PACC1: variants seen among roughly 807,000 people sequenced by gnomAD.
PACC1 encodes the protein proton-activated chloride channel.
In PACC1, 34 loss-of-function variants were observed where a neutral mutation model predicts 39.7. The ratio of observed to expected loss-of-function variants is 0.86; its 90% confidence interval spans 0.65 to 1.14. The LOEUF (loss-of-function observed/expected upper bound fraction) is 1.14. Among genes scored for constraint, PACC1 ranks in the 50% most tolerant of loss-of-function variants. PACC1 has a pLI of 0.00. For missense variants in PACC1, 379 were observed against 436.4 expected (o/e 0.87, Z 1.17); for synonymous variants, 127 against 160.6 (o/e 0.79, Z 1.58).
At chr1:212,412,180 A>T (rs892827542) in intron 1 of PACC1, among the ~76,000 whole-genome samples, 1 of 152,026 alleles carries the variant, frequency 6.6e-6, no homozygotes, top group Non-Finnish European at 1.5e-5. Flanking sequence ...AACCAGTGGG[A>T]AAGGGCAGGG....
intron 7 of PACC1, among the ~76,000 whole-genome samples, chr1:212,368,964 T>C (rs951155541): frequency 6.7e-6 from 1 of 149,904 alleles, no homozygotes; most frequent in Non-Finnish European, 1.5e-5. Flanking sequence ...CCCGGGAGCT[T>C]GCAGTGAGCT....
rs147110902 is a variant in PACC1, at chr1:212,396,554, G to A, written c.134-9454C>T. Among the ~76,000 whole-genome samples, 939 of 150,860 alleles carry A rather than the reference G, an allele frequency of 6.2e-3. 7 individuals carry two copies. The highest frequency in any genetic ancestry group is 8.9e-3 in the Non-Finnish European group (607 of 67,844). On this transcript the variant is annotated intron_variant, in intron 2 of 7. Coordinates refer to ENST00000261455, the MANE Select transcript of PACC1 (RefSeq NM_018252.3). ...TACATATGTAACAAACCTGCATTGC[G>A]CACATGTACCCTAGAACTTAAAGTA...
At chr1:212,393,788 A>G (rs1164818189) in intron 2 of PACC1, among the ~76,000 whole-genome samples, 4 of 152,250 alleles carry the variant, frequency 2.6e-5, no homozygotes, top group South Asian at 2.1e-4. Flanking sequence ...ACAAACTACC[A>G]TCAGAGAATA....
Position 212,386,941 on chromosome 1 carries a change from T to G in PACC1, c.293A>C (p.His98Pro), listed in dbSNP as rs750362348. ...CTTGTAAGACACAGACATGACAGGG[T>G]GCTTGAGTTTCTCACGAAAGTCTGT... ...TITDFREKLK[H>P]PVMSVSYKEV... Residue 98 changes from histidine to proline, a missense_variant, in exon 3 of 8, where the codon CAC becomes CCC. His to Pro is a moderately conservative substitution (Grantham distance 77). Coordinates refer to ENST00000261455, the MANE Select transcript of PACC1 (RefSeq NM_018252.3). The surrounding 1 kb of genome is among the most constrained non-coding windows in gnomAD (Gnocchi z 5.0). The G allele has an allele frequency of 5.6e-6, 9 of 1,613,846 alleles. No individual in the cohort carries two copies. The highest frequency in any genetic ancestry group is 1.6e-4 in the Middle Eastern group (1 of 6,084).
chr1:212,370,587 T>A (rs1384438360), intron 7 of PACC1, among the ~76,000 whole-genome samples: 1 of 152,256 alleles, frequency 6.6e-6, no homozygotes, highest in African/African-American at 2.4e-5. Flanking sequence ...ATTAAAATCA[T>A]ATTAAGTATC....
intron 2 of PACC1, among the ~76,000 whole-genome samples, chr1:212,396,608 A>G (rs1246883942): frequency 2.0e-5 from 3 of 151,890 alleles, no homozygotes; most frequent in Non-Finnish European, 4.4e-5. Flanking sequence ...ACATATTGAA[A>G]AAAAAGAAAT....
At chr1:212,375,432 A>T (rs1660611810) in intron 6 of PACC1, 132 bp from the exon 7 acceptor site, 1 of 614,010 alleles carries the variant, frequency 1.6e-6, no homozygotes, top group Non-Finnish European at 2.9e-6. Flanking sequence ...TTGGAGAGAG[A>T]GTGGCAAAAA....
intron 2 of PACC1, chr1:212,409,980 G>T (rs892051921): frequency 1.2e-5 from 2 of 173,394 alleles, no homozygotes; most frequent in African/African-American, 4.7e-5. Flanking sequence ...GTAGTCAGCA[G>T]TGTCAAACAT....
rs533886596 is a variant in PACC1 at position 212,386,725 on chromosome 1, C to T, written c.343+166G>A. 6.6e-6 allele frequency among the ~76,000 whole-genome samples: 1 copy of T among 152,304 alleles called. No individual in the cohort carries two copies. Among genetic ancestry groups the T allele is most frequent in the Middle Eastern group, 3.4e-3 (1 of 294 alleles). On this transcript the variant is annotated intron_variant, in intron 3 of 7. Transcript: ENST00000261455. This position sits in a 1 kb window ranked among gnomAD's most constrained non-coding sequence, Gnocchi z 5.0. ...ATTTCTGTCCTCAGCACGTAACACA[C>T]TCCCAACAGCAGCTCCTTGGGCATA...
chr1:212,377,629 C>T lies in PACC1; in HGVS notation c.716G>A (p.Trp239Ter), dbSNP rs1358916064. Residue 239 changes from tryptophan (W) to a stop codon, truncating the protein, a stop_gained, in exon 6 of 8, where the codon TGG (tryptophan) becomes TAG (stop). Coordinates refer to ENST00000261455, the MANE Select transcript of PACC1 (RefSeq NM_018252.3). LOFTEE classifies it high-confidence loss of function. ...SWKFSGGFRT[W>*]VKMSLVKTKE... ...GGTCTTTACCAGTGACATCTTGACC[C>T]AGGTGCGGAAGCCCCCAGAGAACTT... 11 of 1,614,098 alleles carry T rather than the reference C, an allele frequency of 6.8e-6. No individual in the cohort carries two copies. Among genetic ancestry groups the T allele is most frequent in the Non-Finnish European group, 8.5e-6 (10 of 1,180,034 alleles).
At chr1:212,414,696 C>A (rs1662267679) in intron 1 of PACC1, 26 bp downstream of exon 1, 1 of 1,612,678 alleles carries the variant, frequency 6.2e-7, no homozygotes, top group Admixed American at 1.7e-5. Flanking sequence ...CCTCAAACTT[C>A]CCTTCCGTCT....
chr1:212,410,315 T>C (rs1290156440), intron 2 of PACC1, 110 bp downstream of exon 2: 3 of 937,756 alleles, frequency 3.2e-6, no homozygotes, highest in Non-Finnish European at 5.3e-6. Context: ...ACTTGAGACC[T>C]GACACCAGGG....
intron 2 of PACC1, among the ~76,000 whole-genome samples, chr1:212,400,984 C>A (rs1661689190): frequency 6.6e-6 from 1 of 152,194 alleles, no homozygotes. Context: ...CTCCACCTTG[C>A]AGGGAGCACT....
At chr1:212,398,530 G>A (rs1661600836) in intron 2 of PACC1, among the ~76,000 whole-genome samples, 1 of 152,214 alleles carries the variant, frequency 6.6e-6, no homozygotes, top group Non-Finnish European at 1.5e-5. Context: ...GTTACTGTGG[G>A]CAGTGGAGGT....
Position 212,386,761 on chromosome 1 carries a change from C to T in PACC1, c.343+130G>A. The stretch of plus-strand genomic sequence containing the variant: ...AGCTCCTTGGGCATAGACTCTATAC[C>T]TAGACTATGCTTGGTTGGACTCCTC... On this transcript the variant is annotated intron_variant, in intron 3 of 7. Transcript: ENST00000261455. The surrounding 1 kb of genome is among the most constrained non-coding windows in gnomAD (Gnocchi z 5.0). 1 of 854,368 alleles carries T rather than the reference C, an allele frequency of 1.2e-6. No homozygotes were observed. Among genetic ancestry groups the T allele is most frequent in the Non-Finnish European group, 1.9e-6 (1 of 520,724 alleles). The allele number at this position is 854,368 out of a possible 1,614,324, so 52.9% of individuals were successfully genotyped here.
chr1:212,377,372 T>C (rs527299988), intron 6 of PACC1, among the ~76,000 whole-genome samples, 190 bp downstream of exon 6: 1 of 152,324 alleles, frequency 6.6e-6, no homozygotes, highest in Admixed American at 6.5e-5. Context: ...GTGCGCTGCC[T>C]GCAGAAGCAC....
At chr1:212,376,625 A>C (rs1017909382) in intron 6 of PACC1, among the ~76,000 whole-genome samples, 2 of 152,248 alleles carry the variant, frequency 1.3e-5, no homozygotes, top group African/African-American at 4.8e-5. Context: ...GTTATCTTAC[A>C]AAACAGGAAG....
intron 5 of PACC1, among the ~76,000 whole-genome samples, chr1:212,379,230 A>T (rs951061715): frequency 6.6e-6 from 1 of 152,180 alleles, no homozygotes; most frequent in East Asian, 1.9e-4. Flanking sequence ...GGTGTGAGCC[A>T]CCACACCTGG....
intron 2 of PACC1, among the ~76,000 whole-genome samples, chr1:212,388,424 G>A (rs80089696): frequency 0.052 from 7,885 of 152,226 alleles, 284 homozygotes; most frequent in Non-Finnish European, 0.078. Flanking sequence ...CTCTGTTATG[G>A]ACGAAACTGT....
Sources: allele counts gnomAD v4.1 joint callset (sites outside exome capture counted in the v4.1 genomes callset), GRCh38; gene constraint gnomAD v4.1.1; non-coding constraint Gnocchi (gnomAD v3.1); transcripts MANE v1.5; gene names NCBI Gene and HGNC (gene_info 2026-07-23, HGNC 2026-07-21).